The following SRP68 variants were observed in gnomAD, a reference collection of about 807,000 sequenced individuals.
SRP68 encodes signal recognition particle subunit SRP68.
A neutral mutation model predicts 82.2 loss-of-function variants in SRP68; 15 were observed. That is an observed-to-expected ratio of 0.18 (90% CI 0.12 to 0.28). The LOEUF (loss-of-function observed/expected upper bound fraction) is 0.28, where lower values mean the gene tolerates loss of function less well. Among genes scored for constraint, SRP68 ranks in the 10% least tolerant of loss-of-function variants. The pLI, the probability that SRP68 is intolerant of heterozygous loss-of-function variation, is 1.00. For synonymous variants in SRP68, 261 were observed against 292.6 expected (o/e 0.89, Z 1.10); for missense variants, 595 against 780.5 (o/e 0.76, Z 2.83).
At chr17:76,065,581 C>T (rs1377100730) in intron 3 of SRP68, among the ~76,000 whole-genome samples, 3 of 152,060 alleles carry the variant, frequency 2.0e-5, no homozygotes, top group African/African-American at 7.2e-5. Context: ...ACAACCTTTT[C>T]ACTGCCTGAG....
At chr17:76,065,160 A>G (rs188381949) in intron 3 of SRP68, among the ~76,000 whole-genome samples, 129 of 152,116 alleles carry the variant, frequency 8.5e-4, no homozygotes, top group Middle Eastern at 3.4e-3. Context: ...CTATCATAAG[A>G]TAGTCCAGGC....
chr17:76,055,700 G>A (rs752510404), intron 8 of SRP68, among the ~76,000 whole-genome samples: 7 of 150,932 alleles, frequency 4.6e-5, no homozygotes, highest in African/African-American at 1.2e-4. Flanking sequence ...CTTGCAGTGA[G>A]CAGAGATTGC....
chr17:76,068,413 G>A (rs1474621350), intron 2 of SRP68, among the ~76,000 whole-genome samples: 2 of 148,614 alleles, frequency 1.3e-5, no homozygotes, highest in Non-Finnish European at 3.0e-5. Flanking sequence ...CCGAGAACAC[G>A]CCATTGCACT....
intron 13 of SRP68, among the ~76,000 whole-genome samples, chr17:76,043,167 G>A (rs889682324): frequency 2.0e-5 from 3 of 152,162 alleles, no homozygotes; most frequent in African/African-American, 7.2e-5. Flanking sequence ...AGGAGGCTGA[G>A]GTGGGAGGGT....
At chr17:76,059,283 G>A (rs1024929964) in intron 7 of SRP68, among the ~76,000 whole-genome samples, 2 of 152,144 alleles carry the variant, frequency 1.3e-5, no homozygotes, top group Non-Finnish European at 2.9e-5. Context: ...GGTGGCTCAC[G>A]CCTATACTCC....
chr17:76,043,682 C>T (rs1013721590), intron 13 of SRP68, 147 bp downstream of exon 13: 5 of 726,246 alleles, frequency 6.9e-6, no homozygotes, highest in Middle Eastern at 4.1e-4. Context: ...CCTGCAGCTC[C>T]TGGGCAGTCA....
chr17:76,059,770 C>T (rs1598265894), intron 7 of SRP68, among the ~76,000 whole-genome samples: 1 of 130,268 alleles, frequency 7.7e-6, no homozygotes, highest in Admixed American at 9.1e-5. Context: ...TTAGCCTGAG[C>T]GACAGAGTAA....
At chr17:76,069,259 A>G (rs1347253425) in intron 2 of SRP68, among the ~76,000 whole-genome samples, 1 of 151,530 alleles carries the variant, frequency 6.6e-6, no homozygotes, top group Non-Finnish European at 1.5e-5. Flanking sequence ...ATGGTGGTGC[A>G]TGCCTGTAGT....
rs754741659 is a variant in SRP68 at position 76,072,415 on chromosome 17, C to G, written c.77G>C (p.Gly26Ala). Reference sequence around the variant, plus strand: ...TCCGGCACCACGTCCACCGCCGCTACCGCCGCCGCCACTGCCACCGCCGCC... The same window carrying G: ...TCCGGCACCACGTCCACCGCCGCTAGCGCCGCCGCCACTGCCACCGCCGCC... ...SGGGGGSGGGGSGGGRGAGGE... is the reference protein window; with the variant it reads ...SGGGGGSGGGASGGGRGAGGE... Residue 26 changes from glycine to alanine, a missense_variant, in exon 1 of 16, where the codon GGT becomes GCT. Transcript: ENST00000307877. The surrounding 1 kb of genome is among the most constrained non-coding windows in gnomAD (Gnocchi z 4.5). 1.3e-6 allele frequency: 2 copies of G among 1,584,922 alleles called. No homozygotes were observed. The highest frequency in any genetic ancestry group is 2.7e-5 in the African/African-American group (2 of 73,662).
chr17:76,060,378 G>T lies in SRP68; in HGVS notation c.767C>A (p.Ala256Asp). ...YCAYNIGDQS[A>D]INELMQMRLR... ...TCTCATCTGCATGAGTTCATTGATG[G>T]CTGACTGGTCCCCTAAGAGAGAAAG... The change falls in exon 7 of 16, where the codon GCC (alanine) becomes GAC (aspartate). Residue 256 changes from alanine to aspartate, a missense_variant. Physicochemically the swap from Ala to Asp is moderately radical, Grantham distance 126. Transcript: ENST00000307877. 3 of 1,611,676 alleles carry T rather than the reference G, an allele frequency of 1.9e-6. No individual in the cohort carries two copies. The highest frequency in any genetic ancestry group is 2.5e-6 in the Non-Finnish European group (3 of 1,179,334).
rs534346072 is a variant in SRP68, at chr17:76,057,475, C to G, written c.906G>C (p.Thr302=). ...GCACTTTGTCAATCTTCACTGGAAC[C>G]GTTCTCCCTCTCCACTCCACTTCAC... ...TMSEVEWRGR[T]VPVKIDKVRI... The change falls in exon 8 of 16, where the codon ACG becomes ACC. Residue 302 remains threonine, a synonymous_variant. Coordinates refer to ENST00000307877, the MANE Select transcript of SRP68 (RefSeq NM_014230.4). 1 of 1,614,012 alleles carries G rather than the reference C, an allele frequency of 6.2e-7. No individual in the cohort carries two copies. The highest frequency in any genetic ancestry group is 1.3e-5 in the African/African-American group (1 of 74,908).
chr17:76,069,902 C>A (rs1372800909), intron 2 of SRP68, among the ~76,000 whole-genome samples: 2 of 151,504 alleles, frequency 1.3e-5, no homozygotes, highest in Non-Finnish European at 2.9e-5. Context: ...CATGGCGAAA[C>A]CCCATCTCTA....
At chr17:76,052,093 C>A (rs1249102563) in intron 8 of SRP68, among the ~76,000 whole-genome samples, 1 of 152,068 alleles carries the variant, frequency 6.6e-6, no homozygotes, top group African/African-American at 2.4e-5. Context: ...GTTGGCCAGG[C>A]TGGTCTCGAA....
At chr17:76,062,744 T>TA (rs1367786250) in intron 4 of SRP68, among the ~76,000 whole-genome samples, 1 of 74,066 alleles carries the variant, frequency 1.4e-5, no homozygotes, top group African/African-American at 8.1e-5. Flanking sequence ...TATATATATA[T>TA]ATATATATAT....
chr17:76,066,133 T>A (rs2066804353), intron 3 of SRP68, among the ~76,000 whole-genome samples: 1 of 151,994 alleles, frequency 6.6e-6, no homozygotes, highest in Non-Finnish European at 1.5e-5. Context: ...TATTCAGCAC[T>A]GAAATACAAG....
At chr17:76,047,554 T>C (rs563376645) in intron 10 of SRP68, among the ~76,000 whole-genome samples, 2 of 152,244 alleles carry the variant, frequency 1.3e-5, no homozygotes, top group African/African-American at 4.8e-5. Flanking sequence ...GAGGCTGAGA[T>C]GGGCAGATTG....
At position 76,050,450 on chromosome 17, in the gene SRP68, C is replaced by T. The variant is rs762419835; in HGVS notation, c.1055G>A (p.Arg352Gln). Reference protein sequence around the residue: ...SECRDAIQVVREELKPDQKQR... With the variant: ...SECRDAIQVVQEELKPDQKQR... ...TACCTGATCTGGCTTGAGCTCCTCC[C>T]GAACCACCTGGATGGCGTCCCGACA... Residue 352 changes from arginine to glutamine, a missense_variant, in exon 9 of 16, where the codon CGG becomes CAG. Around this residue, in one of 2 missense-constraint regions of SRP68, gnomAD observed 495 missense variants for 688.6 expected, o/e 0.72. Coordinates refer to ENST00000307877, the MANE Select transcript of SRP68 (RefSeq NM_014230.4). 1 of 1,613,782 alleles carries T rather than the reference C, an allele frequency of 6.2e-7. No homozygotes were observed. Among genetic ancestry groups the T allele is most frequent in the South Asian group, 1.1e-5 (1 of 91,072 alleles).
chr17:76,046,640 A>G (rs1281960408), intron 10 of SRP68, among the ~76,000 whole-genome samples: 1 of 151,600 alleles, frequency 6.6e-6, no homozygotes, highest in East Asian at 1.9e-4. Context: ...AACAACAACA[A>G]CAAAACAAAA....
At chr17:76,067,097 T>C (rs1381599301) in intron 3 of SRP68, 120 bp downstream of exon 3, 4 of 760,612 alleles carry the variant, frequency 5.3e-6, no homozygotes, top group Non-Finnish European at 2.2e-6. Context: ...AACACAGGAA[T>C]AGTAAACAAT....
Sources: gnomAD v4.1 joint callset for allele counts (sites outside exome capture counted in the v4.1 genomes callset) on GRCh38, gnomAD v4.1.1 for gene constraint, gnomAD v4.1.1 regional missense constraint, Gnocchi (gnomAD v3.1) non-coding constraint, MANE v1.5 for transcripts, NCBI Gene and HGNC (gene_info 2026-07-23, HGNC 2026-07-21) for gene names.